JPH2: variants seen among roughly 807,000 people sequenced by gnomAD.
The protein encoded by JPH2 is junctophilin 2.
JPH2 carries 38 observed loss-of-function variants against 55.9 expected under a neutral mutation model. The ratio of observed to expected loss-of-function variants is 0.68; its 90% CI spans 0.52 to 0.89. The LOEUF (loss-of-function observed/expected upper bound fraction) is 0.89, where lower values mean the gene tolerates loss of function less well. Among genes scored for constraint, JPH2 ranks in the 40% least tolerant of loss-of-function variants. The pLI, the probability that JPH2 is intolerant of heterozygous loss-of-function variation, is 0.00. For missense variants in JPH2, 964 were observed against 1,037.6 expected (o/e 0.93, Z 0.97); for synonymous variants, 480 against 472.4 (o/e 1.02, Z -0.21).
At chr20:44,175,823 G>A (rs2072729287) in intron 1 of JPH2, among the ~76,000 whole-genome samples, 3 of 152,228 alleles carry the variant, frequency 2.0e-5, no homozygotes, top group Admixed American at 1.3e-4. Flanking sequence ...AACCCTAAGG[G>A]CCTTGGAGAG....
In JPH2 at chr20:44,160,518, G is replaced by A; in HGVS notation, c.380-111C>T. 3.6e-6 allele frequency: 4 copies of A among 1,101,140 alleles called. No individual in the cohort carries two copies. In the South Asian group the frequency reaches 5.3e-5, roughly 15 times the overall value. The allele number at this position is 1,101,140 out of a possible 1,614,324, so 68.2% of individuals were successfully genotyped here. A position where few individuals can be genotyped will look rare whatever the true frequency, so the allele number is the denominator to read the frequency against. ...GGGCAAGGCGGGGTGGGACCGAGAGGCGCAAGGCCGTCTGAGGGTCAGGGT... is the reference window on the plus strand; with the variant it reads ...GGGCAAGGCGGGGTGGGACCGAGAGACGCAAGGCCGTCTGAGGGTCAGGGT... On this transcript the variant is annotated intron_variant, in intron 1 of 5. Coordinates refer to ENST00000372980, the MANE Select transcript of JPH2 (RefSeq NM_020433.5). This position sits in a 1 kb window ranked among gnomAD's most constrained non-coding sequence, Gnocchi z 4.9.
chr20:44,173,904 C>T (rs1349407743), intron 1 of JPH2, among the ~76,000 whole-genome samples: 1 of 152,190 alleles, frequency 6.6e-6, no homozygotes, highest in Non-Finnish European at 1.5e-5. Context: ...CTGAGAGAGA[C>T]TCCGACTCAA....
chr20:44,183,937 A>T (rs1473894181), intron 1 of JPH2, among the ~76,000 whole-genome samples: 1 of 152,026 alleles, frequency 6.6e-6, no homozygotes, highest in African/African-American at 2.4e-5. Context: ...GGATCACTTG[A>T]GGTCAGGAGT....
chr20:44,142,517 C>G (rs1167402871), intron 2 of JPH2, among the ~76,000 whole-genome samples: 1 of 152,138 alleles, frequency 6.6e-6, no homozygotes, highest in East Asian at 1.9e-4. Flanking sequence ...TTCCCTGGCC[C>G]CTCCCTCTCC....
At chr20:44,122,230 A>G (rs901866838) in intron 2 of JPH2, among the ~76,000 whole-genome samples, 1 of 152,172 alleles carries the variant, frequency 6.6e-6, no homozygotes, top group African/African-American at 2.4e-5. Context: ...ACATGGCTGA[A>G]GGCACGCATG....
intron 1 of JPH2, among the ~76,000 whole-genome samples, chr20:44,181,604 T>C (rs1174959334): frequency 2.0e-5 from 3 of 152,244 alleles, no homozygotes; most frequent in Non-Finnish European, 4.4e-5. Flanking sequence ...AGAAGACTTC[T>C]GAACCTTTGA....
At chr20:44,119,706 T>C (rs2072220600) in intron 2 of JPH2, among the ~76,000 whole-genome samples, 1 of 151,976 alleles carries the variant, frequency 6.6e-6, no homozygotes, top group South Asian at 2.1e-4. Context: ...ACCCCATCTC[T>C]ACTAAAAAAT....
rs189844101 is a variant in JPH2 at position 44,133,921 on chromosome 20, T to C, written c.1170-15298A>G. On this transcript the variant is annotated intron_variant, in intron 2 of 5. Coordinates refer to ENST00000372980, the MANE Select transcript of JPH2 (RefSeq NM_020433.5). ...ATATATAAATAAATATACATTATAA[T>C]ATATAAATATATATTTATTATAAAT... Among the ~76,000 whole-genome samples the C allele has an allele frequency of 1.2e-3, 43 of 35,630 alleles. 3 individuals are homozygous for C. The highest frequency in any genetic ancestry group is 4.0e-3 in the East Asian group (4 of 1,004). 23.4% of individuals were successfully genotyped at this position (35,630 alleles called of 152,430 possible). A position where few individuals can be genotyped will look rare whatever the true frequency, so the allele number is the denominator to read the frequency against.
At chr20:44,124,133 T>C (rs550502487) in intron 2 of JPH2, among the ~76,000 whole-genome samples, 17 of 152,158 alleles carry the variant, frequency 1.1e-4, no homozygotes, top group Non-Finnish European at 2.2e-4. Flanking sequence ...AAAATAAGGC[T>C]GGTGTTTCTG....
chr20:44,177,532 G>T, intron 1 of JPH2: 1 of 1,091,050 alleles, frequency 9.2e-7, no homozygotes, highest in Non-Finnish European at 1.1e-6. Context: ...AGGGTCTGCT[G>T]TGCTCTCCTG....
At position 44,160,163 on chromosome 20, in the gene JPH2, G is replaced by C. The variant is rs398124358; in HGVS notation, c.624C>G (p.Ala208=). Residue 208 remains alanine (A), a synonymous_variant, in exon 2 of 6, where the codon GCC becomes GCG. Coordinates refer to ENST00000372980, the MANE Select transcript of JPH2 (RefSeq NM_020433.5). The surrounding 1 kb of genome is among the most constrained non-coding windows in gnomAD (Gnocchi z 4.9). ...GGFALSLLAN[A]EAAARAPKGG... is the part of the protein sequence containing the mutation. ...CCTTGGGCGCCCGCGCGGCCGCCTCGGCATTGGCCAGGAGGCTGAGCGCGA... is the reference window on the plus strand; with the variant it reads ...CCTTGGGCGCCCGCGCGGCCGCCTCCGCATTGGCCAGGAGGCTGAGCGCGA... 1.1e-3 allele frequency: 1,505 copies of C among 1,422,138 alleles called. 8 individuals carry two copies. The highest frequency in any genetic ancestry group is 7.6e-4 in the Non-Finnish European group (836 of 1,097,804). 88.1% of individuals were successfully genotyped at this position (1,422,138 alleles called of 1,614,324 possible).
intron 2 of JPH2, among the ~76,000 whole-genome samples, chr20:44,134,829 A>C (rs2072392863): frequency 1.2e-5 from 1 of 85,112 alleles, no homozygotes; most frequent in African/African-American, 4.6e-5. Context: ...ATTTATAAAT[A>C]TACATAAATA....
chr20:44,135,031 T>C (rs1220532471), intron 2 of JPH2, among the ~76,000 whole-genome samples: 2 of 145,088 alleles, frequency 1.4e-5, no homozygotes, highest in African/African-American at 2.6e-5. Context: ...GGGGGATGCC[T>C]GGGGGGCTCA....
chr20:44,182,688 A>G (rs777193433), intron 1 of JPH2, among the ~76,000 whole-genome samples: 1 of 152,152 alleles, frequency 6.6e-6, no homozygotes, highest in Non-Finnish European at 1.5e-5. Flanking sequence ...GACTCCATCT[A>G]AGAACACCTT....
In JPH2 at chr20:44,145,888, A is replaced by G. The variant is rs191314147; in HGVS notation, c.1169+13730T>C. ...CAGTTTTTTCATCTGTAAAATGAGC[A>G]CGTTGGGCCTCCTCTTTCCTAAGGC... On this transcript the variant is annotated intron_variant, in intron 2 of 5. Coordinates refer to ENST00000372980, the MANE Select transcript of JPH2 (RefSeq NM_020433.5). Among the ~76,000 whole-genome samples the G allele has an allele frequency of 1.3e-3, 197 of 152,174 alleles. 1 individual carries two copies. Among genetic ancestry groups the G allele is most frequent in the Middle Eastern group, 3.4e-3 (1 of 294 alleles).
At chr20:44,122,029 T>C (rs905119739) in intron 2 of JPH2, among the ~76,000 whole-genome samples, 4 of 152,034 alleles carry the variant, frequency 2.6e-5, no homozygotes, top group Admixed American at 1.3e-4. Context: ...CAAGCTTACA[T>C]AGCTAGTAAG....
chr20:44,108,643 AAAAAG>A lies in JPH2; in HGVS notation c.*4870_*4874del, dbSNP rs2072122494. Among the ~76,000 whole-genome samples, 2 of 151,784 alleles carry A rather than the reference AAAAAG, an allele frequency of 1.3e-5. No individual in the cohort carries two copies. The highest frequency in any genetic ancestry group is 1.9e-4 in the East Asian group (1 of 5,164). On this transcript the variant is annotated 3_prime_UTR_variant, in exon 6 of 6. Coordinates refer to ENST00000372980, the MANE Select transcript of JPH2 (RefSeq NM_020433.5). ...ATGAGACTCTGTCTCAAAAAAAAAAAAAAAGAAAAGAGGAAGAAGAAGTGACTGTA... is the reference window on the plus strand; with the variant it reads ...ATGAGACTCTGTCTCAAAAAAAAAAAAAAAGAGGAAGAAGAAGTGACTGTA...
intron 2 of JPH2, among the ~76,000 whole-genome samples, chr20:44,144,726 G>C (rs2072481556): frequency 1.3e-5 from 2 of 152,176 alleles, no homozygotes. Flanking sequence ...GTGTGAGTTT[G>C]GACTGGTTTT....
intron 2 of JPH2, among the ~76,000 whole-genome samples, chr20:44,126,355 C>T (rs1445790545): frequency 6.6e-6 from 1 of 152,124 alleles, no homozygotes; most frequent in Non-Finnish European, 1.5e-5. Context: ...ATGATGGGGG[C>T]AGATAATCAG....
Sources: gnomAD v4.1 joint callset for allele counts (sites outside exome capture counted in the v4.1 genomes callset) on GRCh38, gnomAD v4.1.1 for gene constraint, Gnocchi (gnomAD v3.1) non-coding constraint, MANE v1.5 for transcripts, NCBI Gene and HGNC (gene_info 2026-07-23, HGNC 2026-07-21) for gene names.